Variants in KIAA1328 observed in about 807,000 individuals in gnomAD.
KIAA1328 encodes the protein KIAA1328.
Under a neutral mutation model 68.1 loss-of-function variants are expected in KIAA1328, and 52 were observed. That is an observed-to-expected ratio of 0.76 (90% confidence interval 0.61 to 0.96). The LOEUF (loss-of-function observed/expected upper bound fraction) is 0.96. KIAA1328 is among the 40% of genes least tolerant of loss of function. KIAA1328 has a pLI of 0.00. For missense variants in KIAA1328, 641 were observed against 677.6 expected (o/e 0.95, Z 0.60); for synonymous variants, 232 against 239.4 (o/e 0.97, Z 0.28).
intron 9 of KIAA1328, chr18:37,193,570 T>A (rs567282327): frequency 3.9e-4 from 276 of 702,336 alleles, no homozygotes; most frequent in Non-Finnish European, 5.7e-4. Context: ...CTCATGGACA[T>A]TTTAATTTAT....
At chr18:36,892,923 A>G (rs1022229487) in intron 5 of KIAA1328, among the ~76,000 whole-genome samples, 3 of 152,188 alleles carry the variant, frequency 2.0e-5, no homozygotes, top group Admixed American at 2.0e-4. Context: ...AGTTTTTAGA[A>G]AGTAAAGAAA....
At chr18:36,867,489 G>A (rs898223665) in intron 4 of KIAA1328, among the ~76,000 whole-genome samples, 4 of 152,186 alleles carry the variant, frequency 2.6e-5, no homozygotes, top group African/African-American at 9.7e-5. Context: ...ACGCCAGAAT[G>A]GCCTAATACA....
At chr18:37,120,345 G>A (rs2058237410) in intron 7 of KIAA1328, among the ~76,000 whole-genome samples, 1 of 151,820 alleles carries the variant, frequency 6.6e-6, no homozygotes, top group Admixed American at 6.6e-5. Flanking sequence ...AATGTCAGGT[G>A]TTTTGTCATT....
intron 5 of KIAA1328, among the ~76,000 whole-genome samples, chr18:36,889,202 G>C (rs1249141430): frequency 6.6e-6 from 1 of 152,152 alleles, no homozygotes; most frequent in African/African-American, 2.4e-5. Flanking sequence ...CCATGTAAAT[G>C]AATGTGCCAT....
At chr18:37,041,436 A>T (rs2055241576) in intron 6 of KIAA1328, among the ~76,000 whole-genome samples, 1 of 151,774 alleles carries the variant, frequency 6.6e-6, no homozygotes, top group Admixed American at 6.6e-5. Flanking sequence ...TATGAATCTG[A>T]AATGTATTAT....
In KIAA1328 at chr18:37,061,440, A is replaced by C. The variant is rs1165937213; in HGVS notation, c.577-5450A>C. ...CAGATAGATACAAATATAAAAATTC[A>C]TCAAGCTGTACACTGAAGATCTTTG... On this transcript the variant is annotated intron_variant, in intron 6 of 9. Transcript: ENST00000280020. Among the ~76,000 whole-genome samples, 7 of 152,228 alleles carry C rather than the reference A, an allele frequency of 4.6e-5. No homozygotes were observed. In the South Asian group the frequency reaches 1.4e-3, roughly 32 times the overall value.
At chr18:37,054,882 G>A (rs2055848041) in intron 6 of KIAA1328, among the ~76,000 whole-genome samples, 1 of 152,208 alleles carries the variant, frequency 6.6e-6, no homozygotes, top group Admixed American at 6.5e-5. Flanking sequence ...TGACAGGCCA[G>A]AGGTACACAT....
Position 37,031,440 on chromosome 18 carries a change from A to G in KIAA1328, c.577-35450A>G, listed in dbSNP as rs1456788035. On this transcript the variant is annotated intron_variant, in intron 6 of 9. Coordinates refer to ENST00000280020, the MANE Select transcript of KIAA1328 (RefSeq NM_020776.3). ...ATGCCTCTTTATCCCTGTTATTATCACTTCTTTTGAAATATACCTAATATG... is the reference window on the plus strand; with the variant it reads ...ATGCCTCTTTATCCCTGTTATTATCGCTTCTTTTGAAATATACCTAATATG... 2.0e-5 allele frequency among the ~76,000 whole-genome samples: 3 copies of G among 151,914 alleles called. No individual in the cohort carries two copies. In the East Asian group the frequency reaches 5.8e-4, roughly 29 times the overall value.
intron 3 of KIAA1328, 37 bp from the exon 4 acceptor site, chr18:36,844,171 T>C (rs1204301044): frequency 8.2e-6 from 12 of 1,455,860 alleles, no homozygotes; most frequent in Non-Finnish European, 1.1e-5. Flanking sequence ...TAAAAATTGG[T>C]TTTAGAAAAA....
At chr18:37,164,581 C>T (rs1311457800) in intron 8 of KIAA1328, among the ~76,000 whole-genome samples, 1 of 151,906 alleles carries the variant, frequency 6.6e-6, no homozygotes, top group Non-Finnish European at 1.5e-5. Flanking sequence ...CCTGTCTCTA[C>T]TAAAAATAGA....
intron 5 of KIAA1328, among the ~76,000 whole-genome samples, chr18:36,926,554 G>T (rs773151213): frequency 2.6e-5 from 4 of 152,128 alleles, no homozygotes; most frequent in Non-Finnish European, 4.4e-5. Context: ...CTCCACTGTA[G>T]TGTTATTTTT....
At chr18:37,231,313 C>T (rs540140496), downstream of KIAA1328, 3 of 152,080 alleles carry the variant, frequency 2.0e-5, no homozygotes, top group Non-Finnish European at 2.9e-5. Flanking sequence ...CTCTAAGCCT[C>T]GAATATAATA....
At chr18:36,970,226 G>A (rs1598853422) in intron 6 of KIAA1328, among the ~76,000 whole-genome samples, 1 of 152,172 alleles carries the variant, frequency 6.6e-6, no homozygotes, top group Admixed American at 6.5e-5. Context: ...CCCAATAGAT[G>A]CAGAAAAGAC....
chr18:36,882,606 G>A (rs996153162), intron 4 of KIAA1328, among the ~76,000 whole-genome samples: 1 of 152,028 alleles, frequency 6.6e-6, no homozygotes, highest in Non-Finnish European at 1.5e-5. Context: ...AATTGCTAAA[G>A]GATAGTCAAA....
intron 7 of KIAA1328, chr18:37,074,930 T>G (rs2056664316): frequency 6.6e-6 from 1 of 152,108 alleles, no homozygotes; most frequent in South Asian, 2.1e-4. Flanking sequence ...CCAGGAGAAC[T>G]TCCCCAATCT....
chr18:37,075,564 C>A (rs1025322614), intron 7 of KIAA1328: 1 of 152,182 alleles, frequency 6.6e-6, no homozygotes, highest in African/African-American at 2.4e-5. Flanking sequence ...CAAGACCCAT[C>A]AGTGTGCTGT....
At chr18:37,062,612 C>T (rs1019411704) in intron 6 of KIAA1328, among the ~76,000 whole-genome samples, 6 of 151,976 alleles carry the variant, frequency 3.9e-5, no homozygotes, top group African/African-American at 1.2e-4. Flanking sequence ...CTTGCCACCA[C>T]GCCCAGCTAA....
intron 7 of KIAA1328, among the ~76,000 whole-genome samples, chr18:37,124,493 T>C (rs989229756): frequency 2.0e-5 from 3 of 152,146 alleles, no homozygotes; most frequent in Non-Finnish European, 4.4e-5. Context: ...CTGTTTCTAC[T>C]TGTAACTCCT....
chr18:36,949,315 T>G (rs1190494029), intron 5 of KIAA1328, among the ~76,000 whole-genome samples: 1 of 152,212 alleles, frequency 6.6e-6, no homozygotes, highest in Non-Finnish European at 1.5e-5. Flanking sequence ...TTTCTCAACC[T>G]TTAATGTCTA....
Sources: allele counts gnomAD v4.1 joint callset (sites outside exome capture counted in the v4.1 genomes callset), GRCh38; gene constraint gnomAD v4.1.1; transcripts MANE v1.5; gene names NCBI Gene and HGNC (gene_info 2026-07-23, HGNC 2026-07-21).